Variants in TMPRSS11E observed in about 807,000 individuals in gnomAD.
The protein encoded by TMPRSS11E is transmembrane protease serine 11E.
In TMPRSS11E, 38 loss-of-function variants were observed where a neutral mutation model predicts 48.1. That is an observed-to-expected ratio of 0.79 (90% CI 0.61 to 1.04). TMPRSS11E has a LOEUF of 1.04. Ranked by LOEUF, TMPRSS11E falls within the 50% of genes least tolerant of loss-of-function variation. The pLI is 0.00. For synonymous variants in TMPRSS11E, 158 were observed against 171.9 expected (o/e 0.92, Z 0.63); for missense variants, 530 against 510.8 (o/e 1.04, Z -0.36).
chr4:68,497,159 C>G lies in TMPRSS11E; in HGVS notation c.*355C>G, dbSNP rs760975850. ...TGCATATATACAATTTGAAGCACTC[C>G]TTTTCTTCAGTTCCTCAGCTCCTCT... On this transcript the variant is annotated 3_prime_UTR_variant, in exon 10 of 10. Coordinates refer to ENST00000305363, the MANE Select transcript of TMPRSS11E (RefSeq NM_014058.4). 8 of 163,700 alleles carry G rather than the reference C, an allele frequency of 4.9e-5. No homozygotes were observed. The highest frequency in any genetic ancestry group is 1.7e-4 in the African/African-American group (7 of 41,978). The allele number at this position is 163,700 out of a possible 1,614,324, so 10.1% of individuals were successfully genotyped here.
chr4:68,467,737 A>G (rs1728964017), intron 3 of TMPRSS11E, among the ~76,000 whole-genome samples: 1 of 152,186 alleles, frequency 6.6e-6, no homozygotes, highest in South Asian at 2.1e-4. Flanking sequence ...CAGTGGTTGA[A>G]TCCTGGTTAC....
intron 1 of TMPRSS11E, among the ~76,000 whole-genome samples, chr4:68,453,859 G>T (rs1728559859): frequency 6.6e-6 from 1 of 151,688 alleles, no homozygotes. Flanking sequence ...TCCTACTATT[G>T]TGCTGTCCTA....
intron 1 of TMPRSS11E, among the ~76,000 whole-genome samples, chr4:68,455,802 ATTG>A (rs1728613608): frequency 6.6e-6 from 1 of 151,972 alleles, no homozygotes; most frequent in South Asian, 2.1e-4. Flanking sequence ...GCTGTGGGAT[ATTG>A]TTGTGTATAA....
intron 9 of TMPRSS11E, among the ~76,000 whole-genome samples, chr4:68,482,059 T>C (rs540949906): frequency 1.3e-5 from 2 of 152,328 alleles, no homozygotes; most frequent in African/African-American, 4.8e-5. Context: ...AGCATGGTGC[T>C]GGCATCTGCT....
intron 1 of TMPRSS11E, among the ~76,000 whole-genome samples, chr4:68,458,283 C>T (rs1383692991): frequency 6.6e-6 from 1 of 151,996 alleles, no homozygotes; most frequent in African/African-American, 2.4e-5. Flanking sequence ...CTAAAAATTA[C>T]ACATTAATAA....
chr4:68,478,933 C>A lies in TMPRSS11E; in HGVS notation c.1052C>A (p.Ala351Asp). The stretch of plus-strand genomic sequence containing the variant: ...AATGAACCTCAAGCTTACAATGACG[C>A]CATAACTCCTAGAATGTTATGTGCT... ...TCNEPQAYND[A>D]ITPRMLCAGS... The change falls in exon 9 of 10, where the codon GCC becomes GAC. Residue 351 changes from alanine to aspartate, a missense_variant. By Grantham distance (126) the Ala-to-Asp change is moderately radical. Transcript: ENST00000305363. 1 of 1,613,998 alleles carries A rather than the reference C, an allele frequency of 6.2e-7. No individual in the cohort carries two copies. The highest frequency in any genetic ancestry group is 8.5e-7 in the Non-Finnish European group (1 of 1,179,962).
intron 9 of TMPRSS11E, among the ~76,000 whole-genome samples, chr4:68,486,149 G>C (rs191022702): frequency 3.9e-5 from 6 of 151,952 alleles, no homozygotes; most frequent in African/African-American, 1.4e-4. Flanking sequence ...ATTCAGTTCA[G>C]CTCTAATTTT....
intron 8 of TMPRSS11E, 40 bp downstream of exon 8, chr4:68,477,668 G>A (rs1218320671): frequency 3.7e-6 from 6 of 1,602,130 alleles, no homozygotes; most frequent in Non-Finnish European, 5.1e-6. Flanking sequence ...AGTTAAATTG[G>A]TATTTTATGG....
chr4:68,479,961 A>G (rs1040483494), intron 9 of TMPRSS11E, among the ~76,000 whole-genome samples: 1 of 152,038 alleles, frequency 6.6e-6, no homozygotes, highest in African/African-American at 2.4e-5. Context: ...CTTTTCTTTC[A>G]GCATTTAAAT....
Position 68,466,716 on chromosome 4 carries a change from C to A in TMPRSS11E, c.222C>A (p.Asn74Lys). The stretch of plus-strand genomic sequence containing the variant: ...CTGAGTTTGGCAGAGAGGCTTCTAA[C>A]AATTTTACAGAAATGAGCCAGAGAC... ...LYAEFGREAS[N>K]NFTEMSQRLE... Residue 74 changes from asparagine (N) to lysine (K), a missense_variant, in exon 3 of 10, where the codon AAC (asparagine) becomes AAA (lysine). Transcript: ENST00000305363. The A allele has an allele frequency of 3.7e-6, 6 of 1,613,748 alleles. No individual in the cohort carries two copies. The highest frequency in any genetic ancestry group is 5.1e-6 in the Non-Finnish European group (6 of 1,179,714).
At chr4:68,457,836 A>G (rs1333501594) in intron 1 of TMPRSS11E, among the ~76,000 whole-genome samples, 1 of 152,132 alleles carries the variant, frequency 6.6e-6, no homozygotes, top group Non-Finnish European at 1.5e-5. Context: ...ACAGGAACAG[A>G]AAACCAAATA....
In TMPRSS11E at chr4:68,478,969, A is replaced by G; in HGVS notation, c.1088A>G (p.Glu363Gly). 1 of 1,613,854 alleles carries G rather than the reference A, an allele frequency of 6.2e-7. No individual in the cohort carries two copies. Among genetic ancestry groups the G allele is most frequent in the Non-Finnish European group, 8.5e-7 (1 of 1,179,918 alleles). The change falls in exon 9 of 10, where the codon GAA becomes GGA. Residue 363 changes from glutamate (E) to glycine (G), a missense_variant. By Grantham distance (98) the Glu-to-Gly change is moderately conservative. Coordinates refer to ENST00000305363, the MANE Select transcript of TMPRSS11E (RefSeq NM_014058.4). The stretch of plus-strand genomic sequence containing the variant: ...AGAATGTTATGTGCTGGCTCCTTAG[A>G]AGGAAAAACAGATGCATGCCAGGTA... ...TPRMLCAGSLEGKTDACQGDS... is the reference protein window; with the variant it reads ...TPRMLCAGSLGGKTDACQGDS...
In TMPRSS11E at chr4:68,477,568, T is replaced by C. The variant is rs1408461900; in HGVS notation, c.907T>C (p.Tyr303His). Residue 303 changes from tyrosine (Y) to histidine (H), a missense_variant, in exon 8 of 10, where the codon TAT becomes CAT. Tyr to His is a moderately conservative substitution (Grantham distance 83). Coordinates refer to ENST00000305363, the MANE Select transcript of TMPRSS11E (RefSeq NM_014058.4). ...TAGAGTTTGTCTCCCTGATGCATCC[T>C]ATGAGTTTCAACCAGGTGATGTGAT... ...VHRVCLPDASYEFQPGDVMFV... is the reference protein window; with the variant it reads ...VHRVCLPDASHEFQPGDVMFV... The C allele has an allele frequency of 1.2e-6, 2 of 1,613,990 alleles. No homozygotes were observed. The highest frequency in any genetic ancestry group is 1.7e-6 in the Non-Finnish European group (2 of 1,179,964).
intron 2 of TMPRSS11E, among the ~76,000 whole-genome samples, chr4:68,462,298 C>T (rs1345615464): frequency 2.0e-5 from 3 of 151,772 alleles, no homozygotes; most frequent in South Asian, 2.1e-4. Flanking sequence ...TAATTCTGAC[C>T]GGGTGCAGTG....
At chr4:68,452,792 C>A (rs1489193817) in intron 1 of TMPRSS11E, among the ~76,000 whole-genome samples, 1 of 151,940 alleles carries the variant, frequency 6.6e-6, no homozygotes, top group Non-Finnish European at 1.5e-5. Flanking sequence ...TTATATAGTA[C>A]ATTCAAGTCA....
At chr4:68,473,302 C>T (rs1369190588) in intron 5 of TMPRSS11E, among the ~76,000 whole-genome samples, 2 of 152,060 alleles carry the variant, frequency 1.3e-5, no homozygotes. Flanking sequence ...TATTAGAATG[C>T]TATTGTCTTT....
chr4:68,459,115 A>G (rs1273267458), intron 1 of TMPRSS11E, among the ~76,000 whole-genome samples: 3 of 152,124 alleles, frequency 2.0e-5, no homozygotes, highest in Non-Finnish European at 4.4e-5. Context: ...GTTTATTCAA[A>G]GTATTTTTGA....
At chr4:68,458,270 A>G (rs1305431364) in intron 1 of TMPRSS11E, among the ~76,000 whole-genome samples, 1 of 151,984 alleles carries the variant, frequency 6.6e-6, no homozygotes, top group Non-Finnish European at 1.5e-5. Flanking sequence ...TTTTAGCACT[A>G]TTCTAAAAAT....
chr4:68,471,650 T>C (rs754664429), intron 5 of TMPRSS11E, 27 bp downstream of exon 5: 31 of 1,532,388 alleles, frequency 2.0e-5, no homozygotes, highest in South Asian at 7.8e-5. Context: ...TATTTTTCTT[T>C]CATAGAACAG....
Sources: gnomAD v4.1 joint callset for allele counts (sites outside exome capture counted in the v4.1 genomes callset) on GRCh38, gnomAD v4.1.1 for gene constraint, MANE v1.5 for transcripts, NCBI Gene and HGNC (gene_info 2026-07-23, HGNC 2026-07-21) for gene names.